Variants in HP observed in about 807,000 individuals in gnomAD.
HP encodes haptoglobin alpha(1S)-beta.
HP carries 9 observed loss-of-function variants against 23.2 expected under a neutral mutation model. The observed-to-expected ratio is 0.39, with a 90% CI of 0.23 to 0.68. The LOEUF is 0.68. HP is among the 30% of genes least tolerant of loss of function. The probability of loss-of-function intolerance (pLI) is 0.47; values close to 1 mark genes in which losing one functional copy is unlikely to be tolerated. For synonymous variants in HP, 155 were observed against 183.3 expected (o/e 0.85, Z 1.25); for missense variants, 433 against 483.6 (o/e 0.90, Z 0.98).
chr16:72,059,078 CT>C (rs2041498619), intron 5 of HP, 35 bp from the exon 6 acceptor site: 1 of 1,548,790 alleles, frequency 6.5e-7, no homozygotes, highest in Non-Finnish European at 8.8e-7. Context: ...CTAGACTTGA[CT>C]TCTCCTTTGG....
chr16:72,056,005 C>T (rs1347916314), intron 1 of HP, 156 bp from the exon 2 acceptor site: 1 of 1,309,270 alleles, frequency 7.6e-7, no homozygotes, highest in Admixed American at 2.0e-5. Flanking sequence ...CCTAGCACTT[C>T]CATATATCGA....
chr16:72,055,671 G>A (rs1267482130), intron 1 of HP: 2 of 192,372 alleles, frequency 1.0e-5, no homozygotes, highest in African/African-American at 2.3e-5. Context: ...ATATATTTAA[G>A]GAACCTTTTA....
Position 72,060,657 on chromosome 16 carries a change from G to T in HP, c.988G>T (p.Val330Leu), listed in dbSNP as rs1597412439. ...GAAGACACCGAAGAGCCCTGTAGGG[G>T]TGCAGCCCATACTGAATGAACACAC... ...EKKTPKSPVG[V>L]QPILNEHTFC... is the part of the protein sequence containing the mutation. Residue 330 changes from valine to leucine, a missense_variant, in exon 7 of 7, where the codon GTG (valine) becomes TTG (leucine). Val to Leu is a conservative substitution (Grantham distance 32, BLOSUM62 1). Transcript: ENST00000355906. 1 of 1,614,174 alleles carries T rather than the reference G, an allele frequency of 6.2e-7. No homozygotes were observed.
rs1011241965 is a variant in HP at position 72,059,920 on chromosome 16, T to C, written c.443-192T>C. 27 of 1,325,222 alleles carry C rather than the reference T, an allele frequency of 2.0e-5. No homozygotes were observed. In the South Asian group the frequency reaches 2.5e-4, roughly 12 times the overall value. The allele number at this position is 1,325,222 out of a possible 1,614,324, so 82.1% of individuals were successfully genotyped here. A position where few individuals can be genotyped will look rare whatever the true frequency, so the allele number is the denominator to read the frequency against. On this transcript the variant is annotated intron_variant, in intron 6 of 6. Transcript: ENST00000355906. The stretch of plus-strand genomic sequence containing the variant: ...AAGTGGGAAATAGAGCTTTTTGTAA[T>C]GTAAACAATTTAAAAAACAGAATTA...
At chr16:72,055,721 GC>G (rs2041449195) in intron 1 of HP, 1 of 258,904 alleles carries the variant, frequency 3.9e-6, no homozygotes. Flanking sequence ...AGCACAGTAA[GC>G]CCAAAGTTCC....
At chr16:72,055,602 T>C (rs1167389630) in intron 1 of HP, 1 of 167,658 alleles carries the variant, frequency 6.0e-6, no homozygotes, top group Non-Finnish European at 1.3e-5. Context: ...GGGTTTCAGA[T>C]ACCATTTCCT....
chr16:72,055,785 A>G (rs35540300), intron 1 of HP: 5,989 of 328,896 alleles, frequency 0.018, 148 homozygotes, highest in South Asian at 0.028. Context: ...TGTCTGAGGG[A>G]GGTTTCTCTT....
Position 72,057,637 on chromosome 16 carries a change from C to T in HP, c.265+171C>T, listed in dbSNP as rs543990672. ...GACTTAAGCAGTTAGGTGATGACTCCCTAAGGGTCACCAAGGGTCTTGTTC... is the reference window on the plus strand; with the variant it reads ...GACTTAAGCAGTTAGGTGATGACTCTCTAAGGGTCACCAAGGGTCTTGTTC... On this transcript the variant is annotated intron_variant, in intron 4 of 6. Coordinates refer to ENST00000355906, the MANE Select transcript of HP (RefSeq NM_005143.5). 8.8e-6 allele frequency: 7 copies of T among 792,998 alleles called. No individual in the cohort carries two copies. In the African/African-American group the frequency reaches 1.3e-4, roughly 15 times the overall value. The allele number at this position is 792,998 out of a possible 1,614,324, so 49.1% of individuals were successfully genotyped here. A position where few individuals can be genotyped will look rare whatever the true frequency, so the allele number is the denominator to read the frequency against.
At chr16:72,056,390 G>C in intron 2 of HP, 140 bp from the exon 3 acceptor site, 1 of 1,572,752 alleles carries the variant, frequency 6.4e-7, no homozygotes, top group South Asian at 1.1e-5. Flanking sequence ...CCAGAAATGA[G>C]GGGAGCTTGC....
Position 72,057,642 on chromosome 16 carries a change from G to A in HP, c.265+176G>A, listed in dbSNP as rs112786382. On this transcript the variant is annotated intron_variant, in intron 4 of 6. Transcript: ENST00000355906. ...AAGCAGTTAGGTGATGACTCCCTAA[G>A]GGTCACCAAGGGTCTTGTTCATTGG... 157 of 783,596 alleles carry A rather than the reference G, an allele frequency of 2.0e-4. 23 individuals are homozygous for A. The highest frequency in any genetic ancestry group is 7.1e-4 in the Middle Eastern group (2 of 2,834). The allele number at this position is 783,596 out of a possible 1,614,324, so 48.5% of individuals were successfully genotyped here.
intron 2 of HP, 61 bp downstream of exon 2, chr16:72,056,304 C>T (rs2041462048): frequency 4.4e-6 from 7 of 1,576,790 alleles, no homozygotes; most frequent in Non-Finnish European, 6.1e-6. Context: ...TCTGCACTCT[C>T]TCTGAGAACA....
intron 6 of HP, chr16:72,059,830 A>G (rs1237696992): frequency 1.6e-6 from 1 of 610,310 alleles, no homozygotes; most frequent in African/African-American, 1.8e-5. Context: ...ATAATTGTTT[A>G]AATATAATAC....
At chr16:72,057,556 T>C in intron 4 of HP, 90 bp downstream of exon 4, 1 of 538,552 alleles carries the variant, frequency 1.9e-6, no homozygotes, top group East Asian at 3.2e-5. Flanking sequence ...CGGCTTCCTC[T>C]GAGCACACAA....
chr16:72,058,877 G>A (rs2041494723), intron 5 of HP, among the ~76,000 whole-genome samples: 1 of 138,768 alleles, frequency 7.2e-6, no homozygotes, highest in South Asian at 2.1e-4. Flanking sequence ...TCCCTGTACT[G>A]CTTGGCTGTG....
chr16:72,055,512 G>C (rs917815021), intron 1 of HP: 4 of 160,446 alleles, frequency 2.5e-5, no homozygotes, highest in African/African-American at 7.2e-5. Flanking sequence ...ACTGGCAGAC[G>C]GCACCTGTGG....
rs2041531435 is a variant in HP, at chr16:72,060,675, G to C, written c.1006G>C (p.Glu336Gln). Residue 336 changes from glutamate to glutamine, a missense_variant, in exon 7 of 7, where the codon GAA becomes CAA. Coordinates refer to ENST00000355906, the MANE Select transcript of HP (RefSeq NM_005143.5). ...TGTAGGGGTGCAGCCCATACTGAATGAACACACCTTCTGTGCTGGCATGTC... is the reference window on the plus strand; with the variant it reads ...TGTAGGGGTGCAGCCCATACTGAATCAACACACCTTCTGTGCTGGCATGTC... ...SPVGVQPILNEHTFCAGMSKY... is the reference protein window; with the variant it reads ...SPVGVQPILNQHTFCAGMSKY... 1 of 1,614,044 alleles carries C rather than the reference G, an allele frequency of 6.2e-7. No individual in the cohort carries two copies. Among genetic ancestry groups the C allele is most frequent in the South Asian group, 1.1e-5 (1 of 91,074 alleles).
At chr16:72,056,993 T>C (rs1415598142) in intron 3 of HP, 5 of 344,284 alleles carry the variant, frequency 1.5e-5, no homozygotes, top group Non-Finnish European at 2.6e-5. Context: ...TTTATACTTA[T>C]TTGCTCACTT....
Position 72,056,208 on chromosome 16 carries a change from C to T in HP, c.53C>T (p.Ala18Val). 2 of 1,613,958 alleles carry T rather than the reference C, an allele frequency of 1.2e-6. No individual in the cohort carries two copies. The highest frequency in any genetic ancestry group is 1.7e-6 in the Non-Finnish European group (2 of 1,179,966). Residue 18 changes from alanine to valine, a missense_variant, in exon 2 of 7, where the codon GCA becomes GTA. By Grantham distance (64) the Ala-to-Val change is moderately conservative (BLOSUM62 0). Transcript: ENST00000355906. ...IALLLWGQLFAVDSGNDVTDI... is the reference protein window; with the variant it reads ...IALLLWGQLFVVDSGNDVTDI... ...CTCCTGCTCTGGGGACAGCTTTTTG[C>T]AGTGGACTCAGGCAATGATGTCACG...
intron 1 of HP, 83 bp downstream of exon 1, chr16:72,054,740 T>C: frequency 1.2e-6 from 2 of 1,607,206 alleles, no homozygotes; most frequent in Middle Eastern, 3.3e-4. Context: ...GATGCAGAAA[T>C]AGAACAAAGA....
Sources: gnomAD v4.1 joint callset for allele counts (sites outside exome capture counted in the v4.1 genomes callset) on GRCh38, gnomAD v4.1.1 for gene constraint, MANE v1.5 for transcripts, NCBI Gene and HGNC (gene_info 2026-07-23, HGNC 2026-07-21) for gene names.